Variants in CARMIL3 observed in about 807,000 individuals in gnomAD.
CARMIL3 encodes capping protein regulator and myosin 1 linker 3, also known as capping protein, Arp2/3 and myosin-I linker protein 3.
CARMIL3 carries 88 observed loss-of-function variants against 180.8 expected under a neutral mutation model. The ratio of observed to expected loss-of-function variants is 0.49; its 90% confidence interval spans 0.41 to 0.58. The LOEUF is 0.58. Among genes scored for constraint, CARMIL3 ranks in the 20% least tolerant of loss-of-function variants. CARMIL3 has a pLI of 0.00. For missense variants in CARMIL3, 1,548 were observed against 1,787.0 expected (o/e 0.87, Z 2.41); for synonymous variants, 696 against 714.5 (o/e 0.97, Z 0.41).
rs1016696935 is a variant in CARMIL3 at position 24,061,352 on chromosome 14, A to G, written c.2305-145A>G. 14 of 830,256 alleles carry G rather than the reference A, an allele frequency of 1.7e-5. No homozygotes were observed. The highest frequency in any genetic ancestry group is 2.2e-5 in the Non-Finnish European group (12 of 540,716). The allele number at this position is 830,256 out of a possible 1,614,324, so 51.4% of individuals were successfully genotyped here. A position where few individuals can be genotyped will look rare whatever the true frequency, so the allele number is the denominator to read the frequency against. Reference sequence around the variant, plus strand: ...GAAAGTGGGGAAGCCTTAGTGTCCAAGGCTCTGCCACTAACAGTTTTGTGA... The same window carrying G: ...GAAAGTGGGGAAGCCTTAGTGTCCAGGGCTCTGCCACTAACAGTTTTGTGA... On this transcript the variant is annotated intron_variant, in intron 26 of 39. Transcript: ENST00000342740. This position sits in a 1 kb window ranked among gnomAD's most constrained non-coding sequence, Gnocchi z 4.1.
At chr14:24,067,643 G>A (rs2035800161) in intron 36 of CARMIL3, among the ~76,000 whole-genome samples, 1 of 152,358 alleles carries the variant, frequency 6.6e-6, no homozygotes, top group East Asian at 1.9e-4. Context: ...CAGCACTGGG[G>A]GCATCTTTGC....
intron 1 of CARMIL3, among the ~76,000 whole-genome samples, chr14:24,053,504 T>C (rs2035639542): frequency 6.6e-6 from 1 of 152,154 alleles, no homozygotes; most frequent in South Asian, 2.1e-4. Flanking sequence ...CTACTCCCTC[T>C]CTAATAGGAA....
In CARMIL3 at chr14:24,068,717, G is replaced by A. The variant is rs752384085; in HGVS notation, c.3801+15G>A. 2.5e-6 allele frequency: 4 copies of A among 1,613,364 alleles called. No homozygotes were observed. In the African/African-American group the frequency reaches 5.3e-5, roughly 22 times the overall value. On this transcript the variant is annotated intron_variant, in intron 37 of 39. Coordinates refer to ENST00000342740, the MANE Select transcript of CARMIL3 (RefSeq NM_138360.4). The stretch of plus-strand genomic sequence containing the variant: ...GGAATGCCAAGGTGAGAGCTGGCAA[G>A]ATGGGTGGGGGAGGCACTTTGATGA...
chr14:24,065,270 G>T lies in CARMIL3; in HGVS notation c.3393G>T (p.Lys1131Asn). ...GGGRGPSFRR[K>N]MGTEGSEPGE... is the part of the protein sequence containing the mutation. ...GCCGGGGACCTTCCTTCCGCCGGAA[G>T]ATGGTAAGTGAGGCAGGGGGTGCTG... Residue 1131 changes from lysine to asparagine, a missense_variant, in exon 33 of 40, where the codon AAG becomes AAT. By Grantham distance (94) the Lys-to-Asn change is moderately conservative (BLOSUM62 0). This residue lies in a region of CARMIL3 where 668 missense variants were observed against 687.8 expected (regional missense o/e 0.97). Transcript: ENST00000342740. 6.5e-7 allele frequency: 1 copy of T among 1,529,472 alleles called. No homozygotes were observed. Among genetic ancestry groups the T allele is most frequent in the African/African-American group, 1.4e-5 (1 of 72,124 alleles). 94.7% of individuals were successfully genotyped at this position (1,529,472 alleles called of 1,614,324 possible). A position where few individuals can be genotyped will look rare whatever the true frequency, so the allele number is the denominator to read the frequency against.
Position 24,065,116 on chromosome 14 carries a change from C to CCG in CARMIL3, c.3239_3240insCG (p.Pro1081ValfsTer148). The CCG allele has an allele frequency of 6.7e-7, 1 of 1,499,798 alleles. No homozygotes were observed. Among genetic ancestry groups the CCG allele is most frequent in the Non-Finnish European group, 8.9e-7 (1 of 1,124,890 alleles). The allele number at this position is 1,499,798 out of a possible 1,614,324, so 92.9% of individuals were successfully genotyped here. ...TCCCCTACCACTGGACTCCTCCTCC[C>CCG]TCCACCCCCACCCCCTCCCCCGACT... On this transcript the variant is annotated frameshift_variant, in exon 33 of 40. Coordinates refer to ENST00000342740, the MANE Select transcript of CARMIL3 (RefSeq NM_138360.4). LOFTEE classifies it high-confidence loss of function.
At chr14:24,056,260 G>A in intron 10 of CARMIL3, 39 bp from the exon 11 acceptor site, 2 of 1,550,456 alleles carry the variant, frequency 1.3e-6, no homozygotes, top group Non-Finnish European at 1.8e-6. Context: ...GGGACCTGGG[G>A]CTCAGCTCAG....
rs936337832 is a variant in CARMIL3, at chr14:24,054,767, C to T, written c.419C>T (p.Pro140Leu). Residue 140 changes from proline (P) to leucine (L), a missense_variant, in exon 6 of 40, where the codon CCC becomes CTC. Physicochemically the swap from Pro to Leu is moderately conservative, Grantham distance 98 (BLOSUM62 -3). Transcript: ENST00000342740. This position sits in a 1 kb window ranked among gnomAD's most constrained non-coding sequence, Gnocchi z 5.1. ...CCAGAGGGGCCCCGAGATACATCCC[C>T]CAACTCTGAGACTTCCACATCTACC... ...DTPEGPRDTS[P>L]NSETSTSTTH... 6 of 1,614,040 alleles carry T rather than the reference C, an allele frequency of 3.7e-6. No individual in the cohort carries two copies. Among genetic ancestry groups the T allele is most frequent in the Non-Finnish European group, 5.1e-6 (6 of 1,180,024 alleles).
At chr14:24,065,876 A>G in intron 34 of CARMIL3, 126 bp downstream of exon 34, 2 of 1,371,482 alleles carry the variant, frequency 1.5e-6, no homozygotes, top group Non-Finnish European at 9.9e-7. Flanking sequence ...AGAAGATGTT[A>G]GCTGCTCTTC....
intron 32 of CARMIL3, 119 bp downstream of exon 32, chr14:24,064,465 G>T (rs1340398804): frequency 4.0e-6 from 3 of 755,668 alleles, no homozygotes; most frequent in African/African-American, 3.5e-5. Context: ...CAGTCTCTGT[G>T]AGAAATTTCC....
chr14:24,063,370 T>TC lies in CARMIL3; in HGVS notation c.2822dup (p.Gly942TrpfsTer14). ...GAAAGCCAACTGGGGAATCTGGGGA[T>TC]CCCCCCTGGCTGGTTCTCAGGACTT... On this transcript the variant is annotated frameshift_variant, in exon 31 of 40. Coordinates refer to ENST00000342740, the MANE Select transcript of CARMIL3 (RefSeq NM_138360.4). LOFTEE classifies it high-confidence loss of function. The TC allele has an allele frequency of 6.2e-7, 1 of 1,609,068 alleles. No homozygotes were observed. Among genetic ancestry groups the TC allele is most frequent in the Non-Finnish European group, 8.5e-7 (1 of 1,176,952 alleles).
Position 24,054,677 on chromosome 14 carries a change from C to T in CARMIL3, c.363-34C>T, listed in dbSNP as rs2035654112. On this transcript the variant is annotated intron_variant, in intron 5 of 39. Transcript: ENST00000342740. The surrounding 1 kb of genome is among the most constrained non-coding windows in gnomAD (Gnocchi z 5.1). ...GTGGGAAGAACTGAGAGCCTCTTTC[C>T]AGCCCTCTCTGGAATGACTTGTTTC... The T allele has an allele frequency of 1.2e-6, 2 of 1,600,542 alleles. No homozygotes were observed. Among genetic ancestry groups the T allele is most frequent in the South Asian group, 1.1e-5 (1 of 90,472 alleles).
Position 24,057,197 on chromosome 14 carries a change from G to A in CARMIL3, c.1093G>A (p.Ala365Thr), listed in dbSNP as rs200829247. The A allele has an allele frequency of 2.5e-5, 41 of 1,613,748 alleles. No individual in the cohort carries two copies. The highest frequency in any genetic ancestry group is 1.5e-4 in the Admixed American group (9 of 59,976). The part of the protein sequence containing the change: ...ALYSFLAQPN[A>T]LVHLDLSGTD... ...CTACAGTTTCCTGGCCCAACCCAAC[G>A]CCCTGGTGCACCTGGACCTGTCAGG... is the stretch of plus-strand genomic sequence containing the variant. Residue 365 changes from alanine to threonine, a missense_variant, in exon 14 of 40, where the codon GCC becomes ACC. Physicochemically the swap from Ala to Thr is moderately conservative, Grantham distance 58. Coordinates refer to ENST00000342740, the MANE Select transcript of CARMIL3 (RefSeq NM_138360.4).
intron 8 of CARMIL3, 106 bp from the exon 9 acceptor site, chr14:24,055,437 C>T (rs2035662520): frequency 2.0e-6 from 3 of 1,488,358 alleles, no homozygotes; most frequent in East Asian, 2.3e-5. Flanking sequence ...CCATCCCCAT[C>T]TACCCATTTA....
Position 24,054,282 on chromosome 14 carries a change from A to C in CARMIL3, c.227A>C (p.Asn76Thr), listed in dbSNP as rs1395998670. Reference sequence around the variant, plus strand: ...AATGTCCTGGAGATCCGTGCCTTCAACACGCTCAGTCAGAATCAGGTGAGT... The same window carrying C: ...AATGTCCTGGAGATCCGTGCCTTCACCACGCTCAGTCAGAATCAGGTGAGT... ...SFNVLEIRAF[N>T]TLSQNQILVE... The change falls in exon 4 of 40, where the codon AAC becomes ACC. Residue 76 changes from asparagine (N) to threonine (T), a missense_variant. By Grantham distance (65) the Asn-to-Thr change is moderately conservative. This residue lies in a region of CARMIL3 where 578 missense variants were observed against 666.5 expected (regional missense o/e 0.87). Transcript: ENST00000342740. This position sits in a 1 kb window ranked among gnomAD's most constrained non-coding sequence, Gnocchi z 5.1. 6.2e-7 allele frequency: 1 copy of C among 1,614,182 alleles called. No homozygotes were observed. The highest frequency in any genetic ancestry group is 1.7e-5 in the Admixed American group (1 of 60,026).
Position 24,069,441 on chromosome 14 carries a change from G to A in CARMIL3, c.*37G>A. 1.9e-6 allele frequency: 3 copies of A among 1,613,914 alleles called. No individual in the cohort carries two copies. Among genetic ancestry groups the A allele is most frequent in the Non-Finnish European group, 2.5e-6 (3 of 1,179,918 alleles). Reference sequence around the variant, plus strand: ...ACACCCTCCTCAGCCCTCGACATGTGCCTCGCAAGGACTCAGACCCCTATC... The same window carrying A: ...ACACCCTCCTCAGCCCTCGACATGTACCTCGCAAGGACTCAGACCCCTATC... On this transcript the variant is annotated 3_prime_UTR_variant, in exon 40 of 40. Coordinates refer to ENST00000342740, the MANE Select transcript of CARMIL3 (RefSeq NM_138360.4).
chr14:24,063,971 G>A (rs1815238722), intron 31 of CARMIL3, among the ~76,000 whole-genome samples: 1 of 152,126 alleles, frequency 6.6e-6, no homozygotes. Context: ...GCGCCTGCCT[G>A]TAATCCCAGC....
At chr14:24,063,625 T>C in intron 31 of CARMIL3, 92 bp downstream of exon 31, 1 of 1,288,810 alleles carries the variant, frequency 7.8e-7, no homozygotes, top group South Asian at 1.4e-5. Context: ...CCAGAGACAG[T>C]AGCCTTGAGG....
Position 24,061,693 on chromosome 14 carries a change from C to T in CARMIL3, c.2480+21C>T. ...CTGGAGTGAGAGGCAAAGGGCAGGGCTGGGGCTGAGCTGGATTTGGCCCAG... is the reference window on the plus strand; with the variant it reads ...CTGGAGTGAGAGGCAAAGGGCAGGGTTGGGGCTGAGCTGGATTTGGCCCAG... On this transcript the variant is annotated intron_variant, in intron 27 of 39. Transcript: ENST00000342740. The surrounding 1 kb of genome is among the most constrained non-coding windows in gnomAD (Gnocchi z 4.1). The T allele has an allele frequency of 1.2e-6, 2 of 1,606,174 alleles. No homozygotes were observed. Among genetic ancestry groups the T allele is most frequent in the Non-Finnish European group, 1.7e-6 (2 of 1,175,120 alleles).
intron 31 of CARMIL3, 134 bp from the exon 32 acceptor site, chr14:24,064,110 AAG>A (rs1426053840): frequency 0.086 from 39,397 of 459,602 alleles, 2,115 homozygotes; most frequent in East Asian, 0.18. Flanking sequence ...AAAAAAAAAA[AAG>A]AAAAAGAAAC....
Sources: allele counts gnomAD v4.1 joint callset (sites outside exome capture counted in the v4.1 genomes callset), GRCh38; gene constraint gnomAD v4.1.1; regional missense constraint gnomAD v4.1.1; non-coding constraint Gnocchi (gnomAD v3.1); transcripts MANE v1.5; gene names NCBI Gene and HGNC (gene_info 2026-07-23, HGNC 2026-07-21).